LPP: variants seen among roughly 807,000 people sequenced by gnomAD.
LPP encodes the protein lipoma-preferred partner.
LPP carries 38 observed loss-of-function variants against 60.4 expected under a neutral mutation model. That is an observed-to-expected ratio of 0.63 (90% CI 0.49 to 0.83). The LOEUF (loss-of-function observed/expected upper bound fraction) is 0.83, where lower values mean the gene tolerates loss of function less well. LPP is among the 40% of genes least tolerant of loss of function. LPP has a pLI of 0.00. For synonymous variants in LPP, 328 were observed against 290.8 expected (o/e 1.13, Z -1.30); for missense variants, 902 against 783.6 (o/e 1.15, Z -1.80).
chr3:188,328,315 G>A (rs931716086), intron 2 of LPP, among the ~76,000 whole-genome samples: 6 of 152,160 alleles, frequency 3.9e-5, no homozygotes, highest in African/African-American at 9.6e-5. Flanking sequence ...TTAGAAAGTC[G>A]TTGGTCACTC....
intron 6 of LPP, among the ~76,000 whole-genome samples, chr3:188,539,023 T>C (rs1824420818): frequency 6.6e-6 from 1 of 152,090 alleles, no homozygotes; most frequent in African/African-American, 2.4e-5. Context: ...GAGGGGACAA[T>C]ACAGAGTGGC....
chr3:188,686,537 G>T (rs1187535987), intron 7 of LPP, among the ~76,000 whole-genome samples: 1 of 152,194 alleles, frequency 6.6e-6, no homozygotes, highest in Non-Finnish European at 1.5e-5. Context: ...TTAACTTGCA[G>T]TTCTTATCTT....
intron 2 of LPP, among the ~76,000 whole-genome samples, chr3:188,249,742 T>C (rs1728390204): frequency 6.6e-6 from 1 of 151,382 alleles, no homozygotes; most frequent in Non-Finnish European, 1.5e-5. Context: ...CCATATACTT[T>C]TACTCAGATT....
chr3:188,872,091 T>C (rs1768257238), intron 10 of LPP, among the ~76,000 whole-genome samples: 1 of 152,218 alleles, frequency 6.6e-6, no homozygotes, highest in Non-Finnish European at 1.5e-5. Flanking sequence ...TTGTGTAATG[T>C]ATATTTAAAC....
intron 8 of LPP, among the ~76,000 whole-genome samples, chr3:188,751,338 T>G (rs1728008848): frequency 6.6e-6 from 1 of 152,142 alleles, no homozygotes; most frequent in African/African-American, 2.4e-5. Context: ...CAAAAATAAT[T>G]GTTGCAATAG....
intron 1 of LPP, among the ~76,000 whole-genome samples, chr3:188,194,031 CT>C (rs1421913684): frequency 5.9e-5 from 9 of 152,174 alleles, no homozygotes; most frequent in Non-Finnish European, 1.2e-4. Flanking sequence ...ATCTTTGGTC[CT>C]TTATGTACTC....
intron 2 of LPP, among the ~76,000 whole-genome samples, chr3:188,313,554 C>T: frequency 6.6e-6 from 1 of 151,474 alleles, no homozygotes; most frequent in East Asian, 1.9e-4. Flanking sequence ...AGGAGAATCG[C>T]TTGAACTGGG....
intron 4 of LPP, among the ~76,000 whole-genome samples, chr3:188,457,777 C>T (rs919908456): frequency 6.7e-6 from 1 of 150,322 alleles, no homozygotes; most frequent in Non-Finnish European, 1.5e-5. Flanking sequence ...GGCGTGGTGG[C>T]ACACACCTAT....
At chr3:188,866,436 T>C (rs1766622944) in intron 10 of LPP, 58 bp downstream of exon 10, 2 of 1,315,272 alleles carry the variant, frequency 1.5e-6, no homozygotes, top group African/African-American at 1.5e-5. Flanking sequence ...CTGTTCTTAC[T>C]GCTTGGCATC....
intron 2 of LPP, among the ~76,000 whole-genome samples, chr3:188,335,469 A>G (rs1167762374): frequency 6.6e-6 from 1 of 152,194 alleles, no homozygotes; most frequent in Non-Finnish European, 1.5e-5. Flanking sequence ...ATCTATGTTC[A>G]TCAGAGATCC....
At chr3:188,235,470 T>G (rs1472072757) in intron 2 of LPP, among the ~76,000 whole-genome samples, 2 of 152,220 alleles carry the variant, frequency 1.3e-5, no homozygotes, top group Non-Finnish European at 2.9e-5. Flanking sequence ...TTATACATGA[T>G]GACTTTTAAG....
At chr3:188,694,666 C>T (rs544036571) in intron 7 of LPP, among the ~76,000 whole-genome samples, 32 of 149,310 alleles carry the variant, frequency 2.1e-4, no homozygotes, top group Admixed American at 8.8e-4. Context: ...GTTGCCATTG[C>T]ACACTGAGCA....
Position 188,877,706 on chromosome 3 carries a change from C to T in LPP, c.*3227C>T, listed in dbSNP as rs1336914264. ...ACAAAAAATAAAATAAAATAAAAAC[C>T]AAATTAGCCAGACATGGTGGCATGC... On this transcript the variant is annotated 3_prime_UTR_variant, in exon 12 of 12. Coordinates refer to ENST00000617246, the MANE Select transcript of LPP (RefSeq NM_001375462.1). The T allele has an allele frequency of 5.2e-6, 1 of 192,122 alleles. No homozygotes were observed. The highest frequency in any genetic ancestry group is 1.1e-5 in the Non-Finnish European group (1 of 91,974). 11.9% of individuals were successfully genotyped at this position (192,122 alleles called of 1,614,324 possible).
At chr3:188,364,803 A>T (rs1770624722) in intron 3 of LPP, among the ~76,000 whole-genome samples, 1 of 152,132 alleles carries the variant, frequency 6.6e-6, no homozygotes, top group Non-Finnish European at 1.5e-5. Flanking sequence ...GAGGCCTGTT[A>T]TTGTAGGTGG....
At chr3:188,625,997 A>G (rs1846765975) in intron 7 of LPP, among the ~76,000 whole-genome samples, 1 of 152,154 alleles carries the variant, frequency 6.6e-6, no homozygotes, top group Admixed American at 6.5e-5. Flanking sequence ...TACTCTCAAT[A>G]ATGAGCAGTG....
intron 9 of LPP, among the ~76,000 whole-genome samples, chr3:188,856,539 CTATT>C (rs1560299856): frequency 6.6e-6 from 1 of 152,154 alleles, no homozygotes; most frequent in African/African-American, 2.4e-5. Context: ...ATCTTTATAT[CTATT>C]TACATTCTTA....
intron 9 of LPP, among the ~76,000 whole-genome samples, chr3:188,856,257 A>G (rs3846191): frequency 0.22 from 33,458 of 152,174 alleles, 5,340 homozygotes; most frequent in East Asian, 0.8. Flanking sequence ...CATTCCAGGT[A>G]TGTAAACTAA....
chr3:188,420,011 A>G (rs1292256046), intron 4 of LPP, among the ~76,000 whole-genome samples: 2 of 152,306 alleles, frequency 1.3e-5, no homozygotes, highest in East Asian at 1.9e-4. Flanking sequence ...GGAAGCTGCA[A>G]TCATTGTTCT....
At chr3:188,817,266 A>T (rs1288630937) in intron 9 of LPP, among the ~76,000 whole-genome samples, 1 of 152,162 alleles carries the variant, frequency 6.6e-6, no homozygotes, top group African/African-American at 2.4e-5. Context: ...TCCTCTACAG[A>T]TCTCCTAATA....
Sources: gnomAD v4.1 joint callset for allele counts (sites outside exome capture counted in the v4.1 genomes callset) on GRCh38, gnomAD v4.1.1 for gene constraint, MANE v1.5 for transcripts, NCBI Gene and HGNC (gene_info 2026-07-23, HGNC 2026-07-21) for gene names.